Variants in FAM222A observed in about 807,000 individuals in gnomAD.
FAM222A encodes the protein family with sequence similarity 222 member A, also known as protein FAM222A.
Under a neutral mutation model 25.8 loss-of-function variants are expected in FAM222A, and 7 were observed. That is an observed-to-expected ratio of 0.27 (90% CI 0.15 to 0.51). The LOEUF (loss-of-function observed/expected upper bound fraction) is 0.51. Ranked by LOEUF, FAM222A falls within the 20% of genes least tolerant of loss-of-function variation. The pLI is 0.97. For missense variants in FAM222A, 573 were observed against 640.5 expected, an observed-to-expected ratio of 0.89 and a Z score of 1.14; for synonymous variants, 294 against 298.8, an observed-to-expected ratio of 0.98 and a Z score of 0.17.
chr12:109,748,758 T>C (rs1325139246), intron 2 of FAM222A, among the ~76,000 whole-genome samples: 1 of 152,196 alleles, frequency 6.6e-6, no homozygotes, highest in African/African-American at 2.4e-5. Flanking sequence ...TTTTCTTCAT[T>C]AGGTTAGTTA....
At chr12:109,720,663 G>T (rs1887730258) in intron 1 of FAM222A, among the ~76,000 whole-genome samples, 1 of 152,270 alleles carries the variant, frequency 6.6e-6, no homozygotes, top group African/African-American at 2.4e-5. Context: ...CGTTCATTCA[G>T]AGAGCTTCCC....
chr12:109,734,470 C>G (rs1204274759), intron 1 of FAM222A: 7 of 152,036 alleles, frequency 4.6e-5, no homozygotes, highest in Admixed American at 3.9e-4. Context: ...CTGGGGTTTC[C>G]TGTCTCTCCC....
intron 2 of FAM222A, among the ~76,000 whole-genome samples, chr12:109,764,409 C>CT (rs1052639735): frequency 1.3e-5 from 2 of 151,866 alleles, no homozygotes; most frequent in Non-Finnish European, 2.9e-5. Flanking sequence ...ACAGGCACTC[C>CT]TTTTTTTTCT....
intron 2 of FAM222A, among the ~76,000 whole-genome samples, chr12:109,759,543 C>G (rs746956727): frequency 6.6e-6 from 1 of 152,192 alleles, no homozygotes; most frequent in East Asian, 1.9e-4. Context: ...CGTTAATAAC[C>G]GCATCTATTT....
In FAM222A at chr12:109,769,072, T is replaced by A; in HGVS notation, c.1143T>A (p.Ala381=). The A allele has an allele frequency of 6.2e-7, 1 of 1,601,234 alleles. No homozygotes were observed. The highest frequency in any genetic ancestry group is 1.1e-5 in the South Asian group (1 of 89,564). ...ELGPGAAREL[A]GPPADALSGL... is the part of the protein sequence containing the mutation. ...GGCCGGGGGCAGCCCGGGAGCTGGC[T>A]GGGCCCCCTGCAGATGCCCTCTCGG... is the stretch of plus-strand genomic sequence containing the variant. Residue 381 remains alanine, a synonymous_variant, in exon 3 of 3, where the codon GCT becomes GCA. Coordinates refer to ENST00000538780, the MANE Select transcript of FAM222A (RefSeq NM_032829.3).
At chr12:109,741,530 C>T (rs967651458) in intron 1 of FAM222A, among the ~76,000 whole-genome samples, 7 of 152,178 alleles carry the variant, frequency 4.6e-5, no homozygotes, top group African/African-American at 1.4e-4. Flanking sequence ...AGGCGACCTG[C>T]CCCTTCCCCA....
At chr12:109,727,432 G>T (rs922958906) in intron 1 of FAM222A, among the ~76,000 whole-genome samples, 2 of 152,146 alleles carry the variant, frequency 1.3e-5, no homozygotes, top group African/African-American at 4.8e-5. Context: ...GTCATCATCA[G>T]CTCTGCCTCC....
At chr12:109,731,986 A>G (rs567583422) in intron 1 of FAM222A, among the ~76,000 whole-genome samples, 37 of 152,172 alleles carry the variant, frequency 2.4e-4, no homozygotes, top group Non-Finnish European at 5.0e-4. Context: ...CAGCCTTCTC[A>G]CTGCTGTGCA....
At chr12:109,750,115 T>G (rs2136356782) in intron 2 of FAM222A, among the ~76,000 whole-genome samples, 1 of 152,372 alleles carries the variant, frequency 6.6e-6, no homozygotes, top group African/African-American at 2.4e-5. Context: ...AAAAAGTCTT[T>G]CACTGTGTGA....
intron 2 of FAM222A, among the ~76,000 whole-genome samples, chr12:109,749,873 C>T (rs1888512214): frequency 6.6e-6 from 1 of 152,188 alleles, no homozygotes; most frequent in Non-Finnish European, 1.5e-5. Context: ...AAATGGTAAT[C>T]GCTGCCTTTT....
intron 2 of FAM222A, among the ~76,000 whole-genome samples, chr12:109,749,641 T>C (rs998603680): frequency 6.6e-6 from 1 of 152,220 alleles, no homozygotes; most frequent in African/African-American, 2.4e-5. Context: ...GTTTTCTATA[T>C]CCTTACTTAC....
rs534540191 is a variant in FAM222A, at chr12:109,726,047, C to T, written c.-47+11150C>T. Among the ~76,000 whole-genome samples the T allele has an allele frequency of 3.6e-4, 55 of 151,116 alleles. 1 individual carries two copies. Among genetic ancestry groups the T allele is most frequent in the Non-Finnish European group, 6.5e-4 (44 of 67,856 alleles). ...CCAGGGAGATGGGTCAGGCTGCTGG[C>T]CTGGGCCTCCTGCCCCGTTCTCTGT... On this transcript the variant is annotated intron_variant, in intron 1 of 2. Coordinates refer to ENST00000538780, the MANE Select transcript of FAM222A (RefSeq NM_032829.3).
chr12:109,758,819 G>A (rs926682497), intron 2 of FAM222A, among the ~76,000 whole-genome samples: 2 of 152,110 alleles, frequency 1.3e-5, no homozygotes, highest in African/African-American at 4.8e-5. Flanking sequence ...CCCTGTGCCA[G>A]GGACCCCTTC....
At chr12:109,760,819 C>T (rs888453298) in intron 2 of FAM222A, among the ~76,000 whole-genome samples, 3 of 152,154 alleles carry the variant, frequency 2.0e-5, no homozygotes, top group Non-Finnish European at 4.4e-5. Flanking sequence ...GCTGGGGACG[C>T]CATGTGTGGT....
chr12:109,753,878 C>T (rs1038323526), intron 2 of FAM222A, among the ~76,000 whole-genome samples: 8 of 152,148 alleles, frequency 5.3e-5, no homozygotes, highest in East Asian at 3.9e-4. Flanking sequence ...AATCTAGGGC[C>T]GCACAGCAGA....
chr12:109,722,235 GGA>G (rs1339251707), intron 1 of FAM222A, among the ~76,000 whole-genome samples: 3 of 152,220 alleles, frequency 2.0e-5, no homozygotes, highest in Non-Finnish European at 4.4e-5. Context: ...GCTAGAATGT[GGA>G]GAGAGAGGAC....
At position 109,730,211 on chromosome 12, in the gene FAM222A, T is replaced by G. The variant is rs536617093; in HGVS notation, c.-46-13890T>G. ...GCCGAGGGGCTGTTGGTGTGATGAT[T>G]ATTACGGAGCCAGGTGAATGTGGGT... On this transcript the variant is annotated intron_variant, in intron 1 of 2. Transcript: ENST00000538780. Among the ~76,000 whole-genome samples the G allele has an allele frequency of 1.8e-4, 27 of 152,282 alleles. No homozygotes were observed. The South Asian group carries it at 5.4e-3, about 30-fold the overall frequency.
chr12:109,731,544 AC>A (rs1235966292), intron 1 of FAM222A, among the ~76,000 whole-genome samples: 2 of 152,134 alleles, frequency 1.3e-5, no homozygotes, highest in African/African-American at 4.8e-5. Flanking sequence ...GAGGCATGGC[AC>A]CCGGCACACA....
chr12:109,727,644 C>T lies in FAM222A; in HGVS notation c.-47+12747C>T, dbSNP rs1887867834. 2.6e-5 allele frequency among the ~76,000 whole-genome samples: 4 copies of T among 152,300 alleles called. No individual in the cohort carries two copies. In the South Asian group the frequency reaches 8.3e-4, roughly 32 times the overall value. ...AGGTTCACGGAGGACAGGCAACTTG[C>T]CACGCTGGCACGTGGTCATGGGGTG... is the stretch of plus-strand genomic sequence containing the variant. On this transcript the variant is annotated intron_variant, in intron 1 of 2. Transcript: ENST00000538780.
Sources: allele counts gnomAD v4.1 joint callset (sites outside exome capture counted in the v4.1 genomes callset), GRCh38; gene constraint gnomAD v4.1.1; transcripts MANE v1.5; gene names NCBI Gene and HGNC (gene_info 2026-07-23, HGNC 2026-07-21).